The following ATF7IP2 variants were observed in gnomAD, a reference collection of about 807,000 sequenced individuals.
ATF7IP2 encodes activating transcription factor 7-interacting protein 2.
ATF7IP2 carries 42 observed loss-of-function variants against 64.2 expected under a neutral mutation model. The ratio of observed to expected loss-of-function variants is 0.65; its 90% CI spans 0.51 to 0.85. ATF7IP2 has a LOEUF of 0.85. Ranked by LOEUF, ATF7IP2 falls within the 40% of genes least tolerant of loss-of-function variation. The probability of loss-of-function intolerance (pLI) is 0.00; values close to 1 mark genes in which losing one functional copy is unlikely to be tolerated. For missense variants in ATF7IP2, 933 were observed against 784.2 expected (o/e 1.19, Z -2.27); for synonymous variants, 308 against 272.8 (o/e 1.13, Z -1.27).
At chr16:10,447,673 A>G (rs569742975) in intron 8 of ATF7IP2, 2 of 152,318 alleles carry the variant, frequency 1.3e-5, no homozygotes, top group South Asian at 2.1e-4. Flanking sequence ...ACAGATCCCA[A>G]TTGACTAGAT....
chr16:10,477,921 A>G (rs1178393038), intron 12 of ATF7IP2, among the ~76,000 whole-genome samples: 1 of 142,858 alleles, frequency 7.0e-6, no homozygotes, highest in Non-Finnish European at 1.6e-5. Flanking sequence ...AAAGAGAATA[A>G]AATACCTAGG....
intron 2 of ATF7IP2, among the ~76,000 whole-genome samples, chr16:10,418,417 A>C (rs1474904712): frequency 1.3e-5 from 2 of 152,160 alleles, no homozygotes; most frequent in Non-Finnish European, 2.9e-5. Context: ...TGTTCCCAAC[A>C]TGTCCCCCTT....
chr16:10,454,379 C>T (rs1357291200), intron 8 of ATF7IP2: 1 of 129,226 alleles, frequency 7.7e-6, no homozygotes, highest in Non-Finnish European at 1.6e-5. Context: ...CACTGTACTC[C>T]AGCCCAGTGA....
At chr16:10,442,787 A>C (rs1030761913) in intron 8 of ATF7IP2, among the ~76,000 whole-genome samples, 1 of 152,138 alleles carries the variant, frequency 6.6e-6, no homozygotes, top group Non-Finnish European at 1.5e-5. Flanking sequence ...TTTGGCCCTA[A>C]TTGCTCAGCT....
chr16:10,395,415 G>T (rs1044416836), intron 1 of ATF7IP2, among the ~76,000 whole-genome samples: 1 of 152,106 alleles, frequency 6.6e-6, no homozygotes, highest in Non-Finnish European at 1.5e-5. Context: ...AATAGAAGAG[G>T]ACAGAACATT....
intron 2 of ATF7IP2, among the ~76,000 whole-genome samples, chr16:10,417,800 T>C (rs2047909258): frequency 6.6e-6 from 1 of 152,196 alleles, no homozygotes; most frequent in Non-Finnish European, 1.5e-5. Flanking sequence ...GTAATCAAGA[T>C]AATGTGGTAC....
intron 2 of ATF7IP2, among the ~76,000 whole-genome samples, chr16:10,418,411 C>G (rs2047921275): frequency 6.6e-6 from 1 of 152,250 alleles, no homozygotes; most frequent in East Asian, 1.9e-4. Context: ...GGGGCCTGTT[C>G]CCAACATGTC....
intron 13 of ATF7IP2, among the ~76,000 whole-genome samples, chr16:10,481,215 A>G (rs561366381): frequency 1.3e-5 from 2 of 152,340 alleles, no homozygotes; most frequent in East Asian, 3.9e-4. Context: ...TGAGGATGGG[A>G]GGAAAAGGGT....
intron 8 of ATF7IP2, among the ~76,000 whole-genome samples, chr16:10,441,778 G>C (rs2048631926): frequency 6.6e-6 from 1 of 152,164 alleles, no homozygotes; most frequent in Non-Finnish European, 1.5e-5. Context: ...TTTGGCTTTT[G>C]TTGCTGTTGC....
chr16:10,410,020 T>TA (rs1209930683), intron 1 of ATF7IP2, among the ~76,000 whole-genome samples: 3 of 152,200 alleles, frequency 2.0e-5, no homozygotes, highest in African/African-American at 7.2e-5. Context: ...TGCCTCCAGA[T>TA]ATGTTCTTTT....
Position 10,440,418 on chromosome 16 carries a change from A to C in ATF7IP2, c.1150A>C (p.Asn384His), listed in dbSNP as rs2048576572. The change falls in exon 8 of 14, where the codon AAT becomes CAT. Residue 384 changes from asparagine (N) to histidine (H), a missense_variant. Asn to His is a moderately conservative substitution (Grantham distance 68, BLOSUM62 1). Transcript: ENST00000562102. ...RIKTVLLFQR[N>H]CLKPNMLSSN... The stretch of plus-strand genomic sequence containing the variant: ...TAAAACAGTATTATTATTTCAAAGG[A>C]ATTGTTTGAAACCAAACATGTTATC... 1 of 1,568,706 alleles carries C rather than the reference A, an allele frequency of 6.4e-7. No individual in the cohort carries two copies. Among genetic ancestry groups the C allele is most frequent in the Non-Finnish European group, 8.6e-7 (1 of 1,162,836 alleles).
At chr16:10,403,567 T>C (rs1567428844) in intron 1 of ATF7IP2, among the ~76,000 whole-genome samples, 1 of 152,158 alleles carries the variant, frequency 6.6e-6, no homozygotes, top group African/African-American at 2.4e-5. Flanking sequence ...TAAGGTATTA[T>C]AACACCCCCT....
intron 9 of ATF7IP2, among the ~76,000 whole-genome samples, chr16:10,458,601 G>A (rs2049262297): frequency 6.6e-6 from 1 of 152,122 alleles, no homozygotes; most frequent in Admixed American, 6.5e-5. Context: ...GATTCTGATG[G>A]CTTTAATGGT....
intron 12 of ATF7IP2, among the ~76,000 whole-genome samples, chr16:10,476,703 A>C (rs1465851585): frequency 6.6e-6 from 1 of 151,352 alleles, no homozygotes. Context: ...TCCCCTCCCT[A>C]TGTCCATGTG....
chr16:10,429,945 C>T (rs548820012), intron 4 of ATF7IP2, among the ~76,000 whole-genome samples: 6 of 151,676 alleles, frequency 4.0e-5, no homozygotes, highest in East Asian at 1.9e-4. Flanking sequence ...CTCCACCTCC[C>T]GGGTTCGAGT....
chr16:10,439,592 G>T lies in ATF7IP2; in HGVS notation c.1096-772G>T, dbSNP rs1380277774. Among the ~76,000 whole-genome samples, 3 of 140,098 alleles carry T rather than the reference G, an allele frequency of 2.1e-5. No homozygotes were observed. In the East Asian group the frequency reaches 6.4e-4, roughly 30 times the overall value. The allele number at this position is 140,098 out of a possible 152,430, so 91.9% of individuals were successfully genotyped here. On this transcript the variant is annotated intron_variant, in intron 7 of 13. Coordinates refer to ENST00000562102, the MANE Select transcript of ATF7IP2 (RefSeq NM_001393719.1). ...CTGTCGCCTAGGCTGGAGTGCAGTC[G>T]TGTGATCTCAGCTCACTGCAACCTC...
At chr16:10,422,461 C>G (rs1449198803) in intron 3 of ATF7IP2, among the ~76,000 whole-genome samples, 2 of 152,142 alleles carry the variant, frequency 1.3e-5, no homozygotes, top group Admixed American at 6.5e-5. Context: ...ATAAATCTCT[C>G]CCCCATAAAT....
At chr16:10,450,536 T>G (rs1456606689) in intron 8 of ATF7IP2, among the ~76,000 whole-genome samples, 11 of 152,216 alleles carry the variant, frequency 7.2e-5, no homozygotes, top group Non-Finnish European at 1.0e-4. Flanking sequence ...ATAGTTCTTC[T>G]TGTTTCATTG....
At chr16:10,445,184 C>T (rs180757250) in intron 8 of ATF7IP2, 1 of 152,312 alleles carries the variant, frequency 6.6e-6, no homozygotes, top group Non-Finnish European at 1.5e-5. Context: ...CCAATGGGTT[C>T]CTTGATGCAG....
Sources: gnomAD v4.1 joint callset for allele counts (sites outside exome capture counted in the v4.1 genomes callset) on GRCh38, gnomAD v4.1.1 for gene constraint, MANE v1.5 for transcripts, NCBI Gene and HGNC (gene_info 2026-07-23, HGNC 2026-07-21) for gene names.